NLRP12: variants seen among roughly 807,000 people sequenced by gnomAD.
NLRP12 encodes NACHT, LRR and PYD domains-containing protein 12.
Under a neutral mutation model 91.2 loss-of-function variants are expected in NLRP12, and 108 were observed. That is an observed-to-expected ratio of 1.18 (90% CI 1.01 to 1.39). NLRP12 has a LOEUF of 1.39. NLRP12 is among the 40% of genes most tolerant of loss of function. The pLI, the probability that NLRP12 is intolerant of heterozygous loss-of-function variation, is 0.00. For missense variants in NLRP12, 1,530 were observed against 1,352.7 expected (o/e 1.13, Z -2.06); for synonymous variants, 613 against 566.7 (o/e 1.08, Z -1.16).
rs548196632 is a variant in NLRP12, at chr19:53,821,684, A to T, written c.289+2202T>A. Among the ~76,000 whole-genome samples the T allele has an allele frequency of 1.4e-4, 21 of 152,216 alleles. No individual in the cohort carries two copies. The South Asian group carries it at 4.4e-3, about 32-fold the overall frequency. ...CTCTGTTTCAACAACAACAACAAAA[A>T]GAAATCCAAGAGTGCTAAGGAGGCA... On this transcript the variant is annotated intron_variant, in intron 1 of 9. Coordinates refer to ENST00000324134, the MANE Select transcript of NLRP12 (RefSeq NM_144687.4).
At chr19:53,807,445 A>G (rs771464594) in intron 4 of NLRP12, 50 bp downstream of exon 4, 2 of 1,570,652 alleles carry the variant, frequency 1.3e-6, no homozygotes, top group East Asian at 4.5e-5. Context: ...GATCCCCATG[A>G]GAGGCCACGG....
At chr19:53,798,502 GCAGA>G in intron 7 of NLRP12, 89 bp from the exon 8 acceptor site, 1 of 1,313,082 alleles carries the variant, frequency 7.6e-7, no homozygotes, top group African/African-American at 1.5e-5. Context: ...TGTGCTGGTT[GCAGA>G]CAGAGGGACA....
At chr19:53,801,170 G>A in intron 7 of NLRP12, 57 bp downstream of exon 7, 7 of 1,539,422 alleles carry the variant, frequency 4.5e-6, no homozygotes, top group Non-Finnish European at 5.4e-6. Context: ...GGTCCCAGGT[G>A]AGAGGGCTGC....
rs866895578 is a variant in NLRP12 at position 53,824,040 on chromosome 19, C to T, written c.135G>A (p.Trp45Ter). The change falls in exon 1 of 10, where the codon TGG becomes TGA. Residue 45 changes from tryptophan (W) to a stop codon, truncating the protein, a stop_gained. Transcript: ENST00000324134. LOFTEE classifies it high-confidence loss of function. ...ATELGEGKIP[W>*]GSMEKAGPLE... ...GGGGACCGGCCTTCTCCATGCTTCC[C>T]CAGGGGATCTTGCCTTCTCCCAGCT... is the stretch of plus-strand genomic sequence containing the variant. 1 of 1,614,166 alleles carries T rather than the reference C, an allele frequency of 6.2e-7. No individual in the cohort carries two copies. The highest frequency in any genetic ancestry group is 8.5e-7 in the Non-Finnish European group (1 of 1,180,028).
intron 8 of NLRP12, among the ~76,000 whole-genome samples, chr19:53,797,753 T>G (rs2091793141): frequency 6.7e-6 from 1 of 150,108 alleles, no homozygotes; most frequent in Non-Finnish European, 1.5e-5. Context: ...TTTTTTTTTT[T>G]TTGAGACAGA....
Position 53,824,092 on chromosome 19 carries a change from A to T in NLRP12, c.83T>A (p.Phe28Tyr). 6.2e-7 allele frequency: 1 copy of T among 1,613,992 alleles called. No individual in the cohort carries two copies. The highest frequency in any genetic ancestry group is 8.5e-7 in the Non-Finnish European group (1 of 1,179,994). Residue 28 changes from phenylalanine to tyrosine, a missense_variant, in exon 1 of 10, where the codon TTC becomes TAC. By Grantham distance (22) the Phe-to-Tyr change is conservative (BLOSUM62 3). Transcript: ENST00000324134. ...TGTCGCGGTCCCCAGGTATAACTTG[A>T]ACTTCTTCAGTTCCACAGCCTCGAG... ...EELEAVELKK[F>Y]KLYLGTATEL...
rs59179749 is a variant in NLRP12 at position 53,815,225 on chromosome 19, C to CTTTTTTTTTT, written c.290-247_290-238dup. ...TGGCACCTCCATCCATCCAATCAGT[C>CTTTTTTTTTT]TTTTTTTTTTTTTTTTTTTTTGAGA... On this transcript the variant is annotated intron_variant, in intron 1 of 9. Coordinates refer to ENST00000324134, the MANE Select transcript of NLRP12 (RefSeq NM_144687.4). 5.2e-5 allele frequency among the ~76,000 whole-genome samples: 5 copies of CTTTTTTTTTT among 96,996 alleles called. 1 individual carries two copies. Among genetic ancestry groups the CTTTTTTTTTT allele is most frequent in the Admixed American group, 1.3e-4 (1 of 7,680 alleles). 63.6% of individuals were successfully genotyped at this position (96,996 alleles called of 152,430 possible). A position where few individuals can be genotyped will look rare whatever the true frequency, so the allele number is the denominator to read the frequency against.
chr19:53,809,531 A>AAC, intron 3 of NLRP12, 56 bp downstream of exon 3: 4 of 1,382,480 alleles, frequency 2.9e-6, no homozygotes, highest in Non-Finnish European at 3.9e-6. Context: ...AAAAAAAAAA[A>AAC]AAAAAAAAAA....
At chr19:53,823,776 C>T in intron 1 of NLRP12, 110 bp downstream of exon 1, 2 of 1,264,766 alleles carry the variant, frequency 1.6e-6, no homozygotes, top group South Asian at 2.4e-5. Flanking sequence ...TCTTGAACTC[C>T]TCACCTCAAG....
intron 1 of NLRP12, among the ~76,000 whole-genome samples, chr19:53,818,530 T>C (rs2092196964): frequency 6.6e-6 from 1 of 151,972 alleles, no homozygotes; most frequent in Non-Finnish European, 1.5e-5. Context: ...CCGGGCGTGG[T>C]GGCGGGTGCC....
At chr19:53,823,504 A>AAT (rs2092299132) in intron 1 of NLRP12, among the ~76,000 whole-genome samples, 1 of 87,360 alleles carries the variant, frequency 1.1e-5, no homozygotes, top group East Asian at 2.4e-4. Flanking sequence ...ATTTATTTAA[A>AAT]ATATATATTT....
At chr19:53,809,391 C>T (rs1460312403) in intron 3 of NLRP12, among the ~76,000 whole-genome samples, 196 bp downstream of exon 3, 5 of 151,276 alleles carry the variant, frequency 3.3e-5, no homozygotes, top group East Asian at 2.0e-4. Flanking sequence ...ATTAGGTGGG[C>T]GTGGTGGCGT....
intron 1 of NLRP12, among the ~76,000 whole-genome samples, chr19:53,820,017 T>C (rs1568697401): frequency 6.6e-6 from 1 of 152,108 alleles, no homozygotes; most frequent in Non-Finnish European, 1.5e-5. Flanking sequence ...GCACACCTCA[T>C]TAACGACGAG....
chr19:53,819,528 T>TATAC (rs2092224723), intron 1 of NLRP12, among the ~76,000 whole-genome samples: 1 of 72,172 alleles, frequency 1.4e-5, no homozygotes. Flanking sequence ...TGTATATATG[T>TATAC]GTGTATGTAT....
intron 8 of NLRP12, 143 bp from the exon 9 acceptor site, chr19:53,796,172 T>C: frequency 1.3e-6 from 1 of 751,136 alleles, no homozygotes; most frequent in South Asian, 1.5e-5. Context: ...GTTCAAGCGA[T>C]TCTCCTGCCT....
intron 2 of NLRP12, among the ~76,000 whole-genome samples, chr19:53,814,190 C>T (rs2092122522): frequency 6.6e-6 from 1 of 152,152 alleles, no homozygotes; most frequent in South Asian, 2.1e-4. Flanking sequence ...TGCCCCTTCA[C>T]AAGCCTCAGA....
At chr19:53,820,238 C>A (rs545109444) in intron 1 of NLRP12, among the ~76,000 whole-genome samples, 7 of 152,134 alleles carry the variant, frequency 4.6e-5, no homozygotes, top group African/African-American at 1.7e-4. Flanking sequence ...ACATTAAAAA[C>A]CACAGCTCAA....
intron 1 of NLRP12, among the ~76,000 whole-genome samples, chr19:53,820,368 A>G (rs1359716166): frequency 6.6e-6 from 1 of 152,066 alleles, no homozygotes; most frequent in African/African-American, 2.4e-5. Context: ...CGTCTCTACT[A>G]AAAATACAAA....
Position 53,795,921 on chromosome 19 carries a change from G to T in NLRP12, c.3036C>A (p.Asp1012Glu). ...DLYLTNNALG[D>E]TGVRLLCKRL... ...GCTTGCAAAGCAGTCGGACACCTGT[G>T]TCCCCTAGGGCGTTGTTGGTCAGGT... Residue 1012 changes from aspartate to glutamate, a missense_variant, in exon 9 of 10, where the codon GAC (aspartate) becomes GAA (glutamate). By Grantham distance (45) the Asp-to-Glu change is conservative. Transcript: ENST00000324134. 6.2e-7 allele frequency: 1 copy of T among 1,614,162 alleles called. No individual in the cohort carries two copies. Among genetic ancestry groups the T allele is most frequent in the Non-Finnish European group, 8.5e-7 (1 of 1,180,040 alleles).
Sources: gnomAD v4.1 joint callset for allele counts (sites outside exome capture counted in the v4.1 genomes callset) on GRCh38, gnomAD v4.1.1 for gene constraint, MANE v1.5 for transcripts, NCBI Gene and HGNC (gene_info 2026-07-23, HGNC 2026-07-21) for gene names.